LRRC9: variants seen among roughly 807,000 people sequenced by gnomAD.
LRRC9 encodes leucine rich repeat containing 9, also known as leucine-rich repeat-containing protein 9.
In LRRC9, 122 loss-of-function variants were observed where a neutral mutation model predicts 63.2. The observed-to-expected ratio is 1.93, with a 90% confidence interval of 1.67 to 2.24. LRRC9 has a LOEUF of 2.24. Ranked by LOEUF, LRRC9 falls within the 30% of genes most tolerant of loss-of-function variation. LRRC9 has a pLI of 0.00. For synonymous variants in LRRC9, 366 were observed against 213.1 expected (o/e 1.72, Z -6.25); for missense variants, 1,071 against 627.7 (o/e 1.71, Z -7.55).
intron 13 of LRRC9, among the ~76,000 whole-genome samples, chr14:59,975,516 T>C (rs1032399129): frequency 5.3e-5 from 8 of 152,012 alleles, no homozygotes; most frequent in African/African-American, 1.9e-4. Flanking sequence ...CTGGTACCCA[T>C]GGACTGGGGA....
At chr14:59,994,045 T>C (rs1301051947) in intron 17 of LRRC9, among the ~76,000 whole-genome samples, 1 of 152,160 alleles carries the variant, frequency 6.6e-6, no homozygotes, top group African/African-American at 2.4e-5. Flanking sequence ...TATTCCACAA[T>C]TGACCACATA....
intron 29 of LRRC9, among the ~76,000 whole-genome samples, chr14:60,035,698 T>C (rs1271174588): frequency 6.6e-6 from 1 of 152,238 alleles, no homozygotes; most frequent in African/African-American, 2.4e-5. Context: ...CATTGGTCTA[T>C]GTGTCTGTTT....
Position 60,041,230 on chromosome 14 carries a change from A to T in LRRC9, c.3990+9167A>T, listed in dbSNP as rs139744114. ...TTCAACTTTGGTGAATCTGACAATT[A>T]TGTGTCTTTGAGTTGCTCTTCTTGA... On this transcript the variant is annotated intron_variant, in intron 29 of 31. Transcript: ENST00000445360. 6.4e-3 allele frequency among the ~76,000 whole-genome samples: 979 copies of T among 151,934 alleles called. 13 individuals are homozygous for T. The highest frequency in any genetic ancestry group is 0.023 in the African/African-American group (957 of 41,326).
intron 13 of LRRC9, among the ~76,000 whole-genome samples, chr14:59,975,034 CATAT>C (rs369719892): frequency 0.065 from 5,281 of 80,984 alleles, 942 homozygotes; most frequent in African/African-American, 0.23. Context: ...TGTGTCACAG[CATAT>C]ATATATATAT....
rs1011210236 is a variant in LRRC9, at chr14:59,964,582, C to T, written c.1212-2007C>T. Among the ~76,000 whole-genome samples the T allele has an allele frequency of 6.6e-6, 1 of 152,136 alleles. No individual in the cohort carries two copies. Among genetic ancestry groups the T allele is most frequent in the African/African-American group, 2.4e-5 (1 of 41,406 alleles). ...TCATGAGACGCCTCAAGCCCAATAT[C>T]CCCTATATAGCAAAAACTTTATCTA... On this transcript the variant is annotated intron_variant, in intron 10 of 31. Coordinates refer to ENST00000445360, the Ensembl canonical transcript of LRRC9. This position sits in a 1 kb window ranked among gnomAD's most constrained non-coding sequence, Gnocchi z 4.4.
intron 17 of LRRC9, among the ~76,000 whole-genome samples, chr14:59,989,223 T>C (rs1228753122): frequency 6.6e-6 from 1 of 152,078 alleles, no homozygotes; most frequent in Non-Finnish European, 1.5e-5. Context: ...GTTTTAAATT[T>C]GAATTTTTTA....
At position 60,042,167 on chromosome 14, in the gene LRRC9, C is replaced by A. The variant is rs746810849; in HGVS notation, c.3990+10104C>A. ...AGGTGTCAGTCAGCCCCTACTGGGA[C>A]GTGCCTCCCAGTTAGGCTACTTGGG... On this transcript the variant is annotated intron_variant, in intron 29 of 31. Coordinates refer to ENST00000445360, the Ensembl canonical transcript of LRRC9. The surrounding 1 kb of genome is among the most constrained non-coding windows in gnomAD (Gnocchi z 4.2). Among the ~76,000 whole-genome samples the A allele has an allele frequency of 6.6e-6, 1 of 152,226 alleles. No homozygotes were observed. The highest frequency in any genetic ancestry group is 6.5e-5 in the Admixed American group (1 of 15,278).
rs1199180250 is a variant in LRRC9 at position 60,002,118 on chromosome 14, T to G, written c.2664+18T>G. 2 of 689,590 alleles carry G rather than the reference T, an allele frequency of 2.9e-6. No homozygotes were observed. Among genetic ancestry groups the G allele is most frequent in the Middle Eastern group, 2.3e-4 (1 of 4,276 alleles). The allele number at this position is 689,590 out of a possible 1,614,324, so 42.7% of individuals were successfully genotyped here. A position where few individuals can be genotyped will look rare whatever the true frequency, so the allele number is the denominator to read the frequency against. Reference sequence around the variant, plus strand: ...ACTTGAAGGTAAAGGCTAATTCTATTAAACCTAATATAAAGCTTAATTTAA... The same window carrying G: ...ACTTGAAGGTAAAGGCTAATTCTATGAAACCTAATATAAAGCTTAATTTAA... On this transcript the variant is annotated intron_variant, in intron 20 of 31. Transcript: ENST00000445360.
rs1254844987 is a variant in LRRC9 at position 60,027,976 on chromosome 14, A to G, written c.3796A>G (p.Ser1266Gly). The G allele has an allele frequency of 1.4e-6, 1 of 701,944 alleles. No individual in the cohort carries two copies. The highest frequency in any genetic ancestry group is 1.5e-5 in the South Asian group (1 of 67,556). 43.5% of individuals were successfully genotyped at this position (701,944 alleles called of 1,614,324 possible). ...TAACCGCATCCGATCATTTAATGAC[A>G]GTGCTTTTGCCAAACCAAGTTCTTT... Residue 1266 changes from serine (S) to glycine (G), a missense_variant, in exon 28 of 32, where the codon AGT becomes GGT. By Grantham distance (56) the Ser-to-Gly change is moderately conservative. Coordinates refer to ENST00000445360, the Ensembl canonical transcript of LRRC9. This position sits in a 1 kb window ranked among gnomAD's most constrained non-coding sequence, Gnocchi z 4.0.
At chr14:59,947,108 T>A (rs1882519203) in intron 8 of LRRC9, among the ~76,000 whole-genome samples, 1 of 149,622 alleles carries the variant, frequency 6.7e-6, no homozygotes, top group Non-Finnish European at 1.5e-5. Flanking sequence ...GTTGAACTAG[T>A]TTACAGTCCC....
In LRRC9 at chr14:60,058,973, A is replaced by G. The variant is rs985755569; in HGVS notation, c.4276+951A>G. 1.3e-5 allele frequency: 2 copies of G among 152,216 alleles called. No homozygotes were observed. The highest frequency in any genetic ancestry group is 2.9e-5 in the Non-Finnish European group (2 of 68,026). 9.4% of individuals were successfully genotyped at this position (152,216 alleles called of 1,614,324 possible). A position where few individuals can be genotyped will look rare whatever the true frequency, so the allele number is the denominator to read the frequency against. On this transcript the variant is annotated intron_variant, in intron 31 of 31. Coordinates refer to ENST00000445360, the Ensembl canonical transcript of LRRC9. This position sits in a 1 kb window ranked among gnomAD's most constrained non-coding sequence, Gnocchi z 4.4. ...ATGCTTTTGTCTACAACTGTCAGTA[A>G]AATTGGGCATACCAAATTGTTATTA...
At chr14:60,025,158 A>G (rs1031212907) in intron 27 of LRRC9, among the ~76,000 whole-genome samples, 2 of 151,640 alleles carry the variant, frequency 1.3e-5, no homozygotes, top group Non-Finnish European at 2.9e-5. Flanking sequence ...TGGCACAATC[A>G]TAGCTCACTG....
intron 8 of LRRC9, among the ~76,000 whole-genome samples, chr14:59,949,293 C>A (rs1345430621): frequency 1.3e-5 from 2 of 152,182 alleles, no homozygotes; most frequent in African/African-American, 2.4e-5. Context: ...TAGTTAATTG[C>A]GTAGAGGTGT....
chr14:60,042,891 T>A lies in LRRC9; in HGVS notation c.3991-10174T>A, dbSNP rs1893079827. 6.6e-6 allele frequency among the ~76,000 whole-genome samples: 1 copy of A among 152,234 alleles called. No homozygotes were observed. On this transcript the variant is annotated intron_variant, in intron 29 of 31. Coordinates refer to ENST00000445360, the Ensembl canonical transcript of LRRC9. This position sits in a 1 kb window ranked among gnomAD's most constrained non-coding sequence, Gnocchi z 4.2. Reference sequence around the variant, plus strand: ...CCATCTTGGAACCTCCCATGTATTGTCATTTTAACAATATTAATTATTCCA... The same window carrying A: ...CCATCTTGGAACCTCCCATGTATTGACATTTTAACAATATTAATTATTCCA...
At chr14:59,952,161 G>A in intron 8 of LRRC9, among the ~76,000 whole-genome samples, 1 of 151,256 alleles carries the variant, frequency 6.6e-6, no homozygotes, top group African/African-American at 2.4e-5. Flanking sequence ...GATTCCGTGG[G>A]CGTAGGACCC....
Position 60,051,142 on chromosome 14 carries a change from G to A in LRRC9, c.3991-1923G>A, listed in dbSNP as rs990632717. 2.0e-5 allele frequency among the ~76,000 whole-genome samples: 3 copies of A among 151,000 alleles called. No homozygotes were observed. The highest frequency in any genetic ancestry group is 5.0e-5 in the African/African-American group (2 of 40,378). ...ATTGGTGAGGGACTCTTCCTAGTCCGGACCTCCTGGACTCTCCAGAGCCAG... is the reference window on the plus strand; with the variant it reads ...ATTGGTGAGGGACTCTTCCTAGTCCAGACCTCCTGGACTCTCCAGAGCCAG... On this transcript the variant is annotated intron_variant, in intron 29 of 31. Coordinates refer to ENST00000445360, the Ensembl canonical transcript of LRRC9. This position sits in a 1 kb window ranked among gnomAD's most constrained non-coding sequence, Gnocchi z 4.7.
At chr14:60,028,034 G>A (rs991156389) in exon 28 of LRRC9, 1 of 701,612 alleles carries the variant, frequency 1.4e-6, no homozygotes, top group African/African-American at 1.8e-5. Flanking sequence ...AACAGACTAC[G>A]AGAACTGGGC....
chr14:59,929,763 T>C (rs1414308454), intron 3 of LRRC9, among the ~76,000 whole-genome samples: 1 of 152,080 alleles, frequency 6.6e-6, no homozygotes, highest in Non-Finnish European at 1.5e-5. Context: ...AACAAGATAA[T>C]GTCCTTTGCA....
rs1412691836 is a variant in LRRC9, at chr14:59,966,909, G to A, written c.1388+144G>A. ...CTTTTTATGCATCTCCCATGGCCAG[G>A]ATGACCTCATAATTTATCCACATTG... On this transcript the variant is annotated intron_variant, in intron 11 of 31. Coordinates refer to ENST00000445360, the Ensembl canonical transcript of LRRC9. The surrounding 1 kb of genome is among the most constrained non-coding windows in gnomAD (Gnocchi z 4.0). The A allele has an allele frequency of 1.8e-6, 1 of 555,852 alleles. No individual in the cohort carries two copies. Among genetic ancestry groups the A allele is most frequent in the African/African-American group, 1.9e-5 (1 of 53,382 alleles). 34.4% of individuals were successfully genotyped at this position (555,852 alleles called of 1,614,324 possible).
Sources: gnomAD v4.1 joint callset for allele counts (sites outside exome capture counted in the v4.1 genomes callset) on GRCh38, gnomAD v4.1.1 for gene constraint, Gnocchi (gnomAD v3.1) non-coding constraint, MANE v1.5 for transcripts, NCBI Gene and HGNC (gene_info 2026-07-23, HGNC 2026-07-21) for gene names.